Variants in RIPOR2 observed in about 807,000 individuals in gnomAD.
The protein encoded by RIPOR2 is RHO family interacting cell polarization regulator 2, also known as rho family-interacting cell polarization regulator 2.
Under a neutral mutation model 114.5 loss-of-function variants are expected in RIPOR2, and 39 were observed. The observed-to-expected ratio is 0.34, with a 90% CI of 0.26 to 0.44. The LOEUF (loss-of-function observed/expected upper bound fraction) is 0.44. RIPOR2 is among the 20% of genes least tolerant of loss of function. The probability of loss-of-function intolerance (pLI) is 1.00; values close to 1 mark genes in which losing one functional copy is unlikely to be tolerated. For synonymous variants in RIPOR2, 445 were observed against 484.4 expected, an observed-to-expected ratio of 0.92 and a Z score of 1.07; for missense variants, 1,007 against 1,255.1, an observed-to-expected ratio of 0.80 and a Z score of 2.99.
intron 1 of RIPOR2, among the ~76,000 whole-genome samples, chr6:24,949,782 T>C (rs1772655483): frequency 6.6e-6 from 1 of 152,256 alleles, no homozygotes; most frequent in African/African-American, 2.4e-5. Context: ...CACCAGGGCC[T>C]AGCTCCTTGT....
chr6:24,911,376 AG>A (rs750679599), intron 1 of RIPOR2, among the ~76,000 whole-genome samples: 5 of 151,856 alleles, frequency 3.3e-5, no homozygotes, highest in Non-Finnish European at 7.4e-5. Flanking sequence ...GAGAGGGCAG[AG>A]GAAAGGAGCC....
intron 20 of RIPOR2, among the ~76,000 whole-genome samples, chr6:24,810,043 G>A (rs998362549): frequency 6.6e-6 from 1 of 152,170 alleles, no homozygotes; most frequent in Non-Finnish European, 1.5e-5. Context: ...TACAGATGAG[G>A]TCTCACTATG....
intron 19 of RIPOR2, among the ~76,000 whole-genome samples, chr6:24,822,625 TCTC>T (rs1024455214): frequency 6.6e-6 from 1 of 152,128 alleles, no homozygotes; most frequent in Non-Finnish European, 1.5e-5. Context: ...TTCAAGCAAT[TCTC>T]CTGCCTCAGC....
intron 1 of RIPOR2, among the ~76,000 whole-genome samples, chr6:24,963,033 GTT>G (rs1255402373): frequency 1.3e-5 from 2 of 151,950 alleles, no homozygotes; most frequent in African/African-American, 4.8e-5. Flanking sequence ...GAATGCATGT[GTT>G]TTTTTGTTTT....
At chr6:24,906,973 A>C (rs1290519083) in intron 1 of RIPOR2, among the ~76,000 whole-genome samples, 1 of 152,130 alleles carries the variant, frequency 6.6e-6, no homozygotes, top group African/African-American at 2.4e-5. Flanking sequence ...TGCGATGTCT[A>C]ACTTTGACCA....
chr6:24,847,597 G>A, intron 12 of RIPOR2: 1 of 1,551,718 alleles, frequency 6.4e-7, no homozygotes, highest in Non-Finnish European at 8.7e-7. Flanking sequence ...GTCACTGAAG[G>A]AGCGGCTGCG....
chr6:24,855,240 T>G (rs978043852), intron 8 of RIPOR2, among the ~76,000 whole-genome samples: 2 of 152,136 alleles, frequency 1.3e-5, no homozygotes, highest in African/African-American at 4.8e-5. Flanking sequence ...ATACTTATTT[T>G]GTAATACAGA....
At chr6:25,036,078 G>A (rs1361576528) in intron 1 of RIPOR2, among the ~76,000 whole-genome samples, 3 of 152,180 alleles carry the variant, frequency 2.0e-5, no homozygotes, top group African/African-American at 7.2e-5. Flanking sequence ...CATCGTCTGT[G>A]GGATTCAGAC....
chr6:24,848,611 G>C (rs770274157), intron 11 of RIPOR2, among the ~76,000 whole-genome samples: 60 of 152,174 alleles, frequency 3.9e-4, no homozygotes, highest in Non-Finnish European at 6.8e-4. Flanking sequence ...TTGACACAGA[G>C]CCTCTTGTGT....
intron 1 of RIPOR2, among the ~76,000 whole-genome samples, chr6:24,890,687 C>G (rs1455691923): frequency 6.6e-6 from 1 of 150,640 alleles, no homozygotes; most frequent in East Asian, 1.9e-4. Flanking sequence ...CAAGGTCTTA[C>G]TGTGTTGCCC....
At chr6:24,921,827 TC>T (rs1770519182) in intron 1 of RIPOR2, among the ~76,000 whole-genome samples, 6 of 148,822 alleles carry the variant, frequency 4.0e-5, no homozygotes, top group Non-Finnish European at 6.0e-5. Flanking sequence ...TTTCTTTCTT[TC>T]TTTCTTTTTT....
upstream of RIPOR2, among the ~76,000 whole-genome samples, chr6:24,939,052 C>T (rs921244865): frequency 6.6e-6 from 1 of 152,234 alleles, no homozygotes; most frequent in East Asian, 1.9e-4. Flanking sequence ...GTGCCAGCAA[C>T]AGTTTTAAGT....
intron 1 of RIPOR2, among the ~76,000 whole-genome samples, chr6:24,990,057 C>T (rs1774732587): frequency 6.6e-6 from 1 of 151,930 alleles, no homozygotes; most frequent in Admixed American, 6.6e-5. Context: ...TAAAAAAATA[C>T]CTTTTGTTGT....
At position 24,955,246 on chromosome 6, in the gene RIPOR2, A is replaced by G. The variant is rs373486385; in HGVS notation, c.77-79429T>C. Among the ~76,000 whole-genome samples, 14 of 152,338 alleles carry G rather than the reference A, an allele frequency of 9.2e-5. No individual in the cohort carries two copies. The South Asian group carries it at 2.5e-3, about 27-fold the overall frequency. ...TAAAAAGGAAGTTTAAAATCCAACCATAGTCCCAAGAGCCAGAAATAAGCA... is the reference window on the plus strand; with the variant it reads ...TAAAAAGGAAGTTTAAAATCCAACCGTAGTCCCAAGAGCCAGAAATAAGCA... On this transcript the variant is annotated intron_variant, in intron 1 of 13. Transcript: ENST00000510784.
intron 1 of RIPOR2, among the ~76,000 whole-genome samples, chr6:24,965,480 T>C (rs1773486851): frequency 6.6e-6 from 1 of 152,226 alleles, no homozygotes; most frequent in Non-Finnish European, 1.5e-5. Flanking sequence ...CCAGAAGTAC[T>C]ACTTCATTCT....
chr6:25,029,156 C>T (rs184221537), intron 1 of RIPOR2, among the ~76,000 whole-genome samples: 8 of 152,132 alleles, frequency 5.3e-5, no homozygotes, highest in Middle Eastern at 6.8e-3. Context: ...GGCATGGTGG[C>T]GCGCATCTGT....
chr6:24,873,175 A>G (rs528971591), intron 3 of RIPOR2, among the ~76,000 whole-genome samples: 22 of 152,352 alleles, frequency 1.4e-4, no homozygotes, highest in Middle Eastern at 3.4e-3. Flanking sequence ...AGGAGAAAAA[A>G]GCTGAAAGTC....
intron 1 of RIPOR2, among the ~76,000 whole-genome samples, chr6:24,878,013 G>T (rs1765971143): frequency 6.6e-6 from 1 of 152,162 alleles, no homozygotes; most frequent in Admixed American, 6.5e-5. Flanking sequence ...GATGAAGCAG[G>T]TGACCAGGGG....
At chr6:25,006,655 T>C (rs976911765) in intron 1 of RIPOR2, among the ~76,000 whole-genome samples, 9 of 151,226 alleles carry the variant, frequency 6.0e-5, no homozygotes, top group African/African-American at 2.2e-4. Flanking sequence ...CTCTGTGGAG[T>C]ACGGACTGTA....
Sources: allele counts gnomAD v4.1 joint callset (sites outside exome capture counted in the v4.1 genomes callset), GRCh38; gene constraint gnomAD v4.1.1; transcripts MANE v1.5; gene names NCBI Gene and HGNC (gene_info 2026-07-23, HGNC 2026-07-21).